GLI3: variants seen among roughly 807,000 people sequenced by gnomAD.
GLI3 encodes transcription activator GLI3.
GLI3 carries 20 observed loss-of-function variants against 100.8 expected under a neutral mutation model. The observed-to-expected ratio is 0.20, with a 90% CI of 0.14 to 0.29. The LOEUF (loss-of-function observed/expected upper bound fraction) is 0.29. Among genes scored for constraint, GLI3 ranks in the 10% least tolerant of loss-of-function variants. The probability of loss-of-function intolerance (pLI) is 1.00; values close to 1 mark genes in which losing one functional copy is unlikely to be tolerated. For missense variants in GLI3, 2,040 were observed against 2,128.5 expected (o/e 0.96, Z 0.82); for synonymous variants, 938 against 860.5 (o/e 1.09, Z -1.58).
chr7:42,115,305 A>G (rs1200155671), intron 3 of GLI3, among the ~76,000 whole-genome samples: 1 of 151,836 alleles, frequency 6.6e-6, no homozygotes, highest in Non-Finnish European at 1.5e-5. Context: ...ATGCCCAGCT[A>G]GTTTTTGTAT....
At chr7:42,230,225 C>T (rs996853207) in intron 1 of GLI3, among the ~76,000 whole-genome samples, 3 of 151,898 alleles carry the variant, frequency 2.0e-5, no homozygotes, top group African/African-American at 7.3e-5. Flanking sequence ...ATCAGGAAAG[C>T]CTAGAATCTT....
intron 2 of GLI3, among the ~76,000 whole-genome samples, chr7:42,201,210 C>A (rs1583642858): frequency 8.9e-6 from 1 of 112,326 alleles, no homozygotes; most frequent in South Asian, 2.8e-4. Flanking sequence ...TGATATATCT[C>A]TCTCTCTCTC....
At position 42,262,225 on chromosome 7, in the gene GLI3, T is replaced by TTCCTTCCTTCCTTCCTTCCTGCC. The variant is rs1789151410; in HGVS notation, c.-43+1768_-43+1769insGGCAGGAAGGAAGGAAGGAAGGA. ...CCTTCCTTCTTTCCTTCCTTCCTTC[T>TTCCTTCCTTCCTTCCTTCCTGCC]TTCCTTCCTTCCTTCCTTCCTTTCT... On this transcript the variant is annotated intron_variant, in intron 1 of 2. Transcript: ENST00000678978. Among the ~76,000 whole-genome samples, 181 of 118,754 alleles carry TTCCTTCCTTCCTTCCTTCCTGCC rather than the reference T, an allele frequency of 1.5e-3. 3 individuals are homozygous for TTCCTTCCTTCCTTCCTTCCTGCC. The highest frequency in any genetic ancestry group is 6.0e-3 in the African/African-American group (179 of 29,708). 77.9% of individuals were successfully genotyped at this position (118,754 alleles called of 152,430 possible).
intron 4 of GLI3, among the ~76,000 whole-genome samples, chr7:42,056,690 C>T (rs1473395487): frequency 6.6e-6 from 1 of 151,792 alleles, no homozygotes; most frequent in Non-Finnish European, 1.5e-5. Flanking sequence ...GTGGCTCGTG[C>T]CTATAATCCC....
intron 1 of GLI3, among the ~76,000 whole-genome samples, chr7:42,252,670 GTA>G (rs1296807500): frequency 9.2e-5 from 14 of 152,192 alleles, no homozygotes; most frequent in African/African-American, 2.9e-4. Flanking sequence ...TTCAAGAAAA[GTA>G]AAAGTATTAA....
At chr7:42,222,319 T>A (rs1170764959) in intron 2 of GLI3, among the ~76,000 whole-genome samples, 1 of 152,222 alleles carries the variant, frequency 6.6e-6, no homozygotes, top group Non-Finnish European at 1.5e-5. Flanking sequence ...CAGCTCATTC[T>A]TCCTAAAGGC....
chr7:42,189,012 G>C (rs1011209762), intron 2 of GLI3, among the ~76,000 whole-genome samples: 17 of 152,120 alleles, frequency 1.1e-4, no homozygotes, highest in African/African-American at 4.1e-4. Context: ...ATAATGCGAT[G>C]TCCATGTTGG....
intron 6 of GLI3, among the ~76,000 whole-genome samples, chr7:42,043,693 C>T (rs1784188381): frequency 6.6e-6 from 1 of 152,132 alleles, no homozygotes; most frequent in Non-Finnish European, 1.5e-5. Flanking sequence ...ATTAAAATTC[C>T]TTTAATTAGT....
chr7:42,165,272 T>C (rs934915154), intron 2 of GLI3, among the ~76,000 whole-genome samples: 2 of 152,052 alleles, frequency 1.3e-5, no homozygotes, highest in African/African-American at 4.8e-5. Context: ...GGCATTATAG[T>C]GTCCCTGCAT....
chr7:42,232,081 T>A (rs1210880441), intron 1 of GLI3, among the ~76,000 whole-genome samples: 1 of 152,124 alleles, frequency 6.6e-6, no homozygotes, highest in Non-Finnish European at 1.5e-5. Context: ...ATCAAATGCT[T>A]GTGGTCAAAA....
chr7:41,968,754 A>AGG (rs1787284369), intron 13 of GLI3, among the ~76,000 whole-genome samples: 8 of 131,178 alleles, frequency 6.1e-5, no homozygotes, highest in Admixed American at 2.9e-4. Flanking sequence ...GAAAGAAAGA[A>AGG]AGAAAGAAGG....
At chr7:42,211,559 T>C (rs893225179) in intron 2 of GLI3, among the ~76,000 whole-genome samples, 1 of 152,254 alleles carries the variant, frequency 6.6e-6, no homozygotes, top group Admixed American at 6.5e-5. Context: ...AATGTTTACA[T>C]TGATGTAAGT....
In GLI3 at chr7:41,972,755, G is replaced by A. The variant is rs978548675; in HGVS notation, c.1813-128C>T. 2 of 752,518 alleles carry A rather than the reference G, an allele frequency of 2.7e-6. No individual in the cohort carries two copies. The highest frequency in any genetic ancestry group is 2.0e-5 in the Admixed American group (1 of 49,214). 46.6% of individuals were successfully genotyped at this position (752,518 alleles called of 1,614,324 possible). A position where few individuals can be genotyped will look rare whatever the true frequency, so the allele number is the denominator to read the frequency against. The stretch of plus-strand genomic sequence containing the variant: ...AAACACTTTCACAAGGCTTTGAGGT[G>A]TTCAGATACCTCTAGGAACTAATAG... On this transcript the variant is annotated intron_variant, in intron 12 of 14. Coordinates refer to ENST00000395925, the MANE Select transcript of GLI3 (RefSeq NM_000168.6). The surrounding 1 kb of genome is among the most constrained non-coding windows in gnomAD (Gnocchi z 4.4).
Position 42,209,147 on chromosome 7 carries a change from T to C in GLI3, c.124+13983A>G, listed in dbSNP as rs561590096. 3.3e-5 allele frequency among the ~76,000 whole-genome samples: 5 copies of C among 152,266 alleles called. No individual in the cohort carries two copies. In the South Asian group the frequency reaches 8.3e-4, roughly 25 times the overall value. ...ATAGCTCACTGCAGCCTTGATCTCCTGGTTCAAGTGATCTTCCCACCTCAG... is the reference window on the plus strand; with the variant it reads ...ATAGCTCACTGCAGCCTTGATCTCCCGGTTCAAGTGATCTTCCCACCTCAG... On this transcript the variant is annotated intron_variant, in intron 2 of 14. Coordinates refer to ENST00000395925, the MANE Select transcript of GLI3 (RefSeq NM_000168.6).
intron 3 of GLI3, among the ~76,000 whole-genome samples, chr7:42,137,336 C>A (rs1350788004): frequency 1.3e-5 from 2 of 152,122 alleles, no homozygotes; most frequent in East Asian, 3.9e-4. Flanking sequence ...AAATAAAAAT[C>A]AAATCACAAC....
intron 3 of GLI3, among the ~76,000 whole-genome samples, chr7:42,117,332 C>A (rs1346862291): frequency 6.6e-6 from 1 of 152,192 alleles, no homozygotes; most frequent in African/African-American, 2.4e-5. Flanking sequence ...CTAGGTGCAC[C>A]CTTATATGCC....
At chr7:42,203,088 G>T (rs1788079343) in intron 2 of GLI3, among the ~76,000 whole-genome samples, 1 of 152,088 alleles carries the variant, frequency 6.6e-6, no homozygotes, top group Non-Finnish European at 1.5e-5. Context: ...TTATTTATTT[G>T]TTTGTTTACT....
intron 3 of GLI3, among the ~76,000 whole-genome samples, chr7:42,114,427 C>T (rs1362828772): frequency 1.4e-5 from 2 of 145,176 alleles, no homozygotes. Context: ...AAGCTAGGTA[C>T]GGTTTGGCTT....
intron 1 of GLI3, among the ~76,000 whole-genome samples, chr7:42,262,000 C>T (rs200420180): frequency 9.6e-6 from 1 of 104,224 alleles, no homozygotes; most frequent in Non-Finnish European, 2.0e-5. Flanking sequence ...TTCTTTCTTT[C>T]TTTTCTTTCT....
Sources: allele counts gnomAD v4.1 joint callset (sites outside exome capture counted in the v4.1 genomes callset), GRCh38; gene constraint gnomAD v4.1.1; non-coding constraint Gnocchi (gnomAD v3.1); transcripts MANE v1.5; gene names NCBI Gene and HGNC (gene_info 2026-07-23, HGNC 2026-07-21).